SKOR1: variants seen among roughly 807,000 people sequenced by gnomAD.
SKOR1 encodes SKI family transcriptional corepressor 1, also known as LBX1 corepressor 1.
In SKOR1, 38 loss-of-function variants were observed where a neutral mutation model predicts 72.4. The ratio of observed to expected loss-of-function variants is 0.52; its 90% CI spans 0.40 to 0.69. The LOEUF is 0.69. SKOR1 is among the 30% of genes least tolerant of loss of function. The pLI is 0.00. For synonymous variants in SKOR1, 642 were observed against 599.4 expected (o/e 1.07, Z -1.04); for missense variants, 1,320 against 1,343.2 (o/e 0.98, Z 0.27).
At position 67,832,466 on chromosome 15, in the gene SKOR1, A is replaced by G. The variant is rs1033217207; in HGVS notation, c.2662+118A>G. The G allele has an allele frequency of 7.2e-5, 97 of 1,354,782 alleles. 1 individual carries two copies. The East Asian group carries it at 2.2e-3, about 31-fold the overall frequency. The allele number at this position is 1,354,782 out of a possible 1,614,324, so 83.9% of individuals were successfully genotyped here. A position where few individuals can be genotyped will look rare whatever the true frequency, so the allele number is the denominator to read the frequency against. On this transcript the variant is annotated intron_variant, in intron 6 of 8. Coordinates refer to ENST00000380035, the MANE Select transcript of SKOR1 (RefSeq NM_001365915.1). This position sits in a 1 kb window ranked among gnomAD's most constrained non-coding sequence, Gnocchi z 4.5. ...GGTACTAGGTGCCCTGCAGGAGACA[A>G]GAAACTGTCCTTTTCCAGGGCTGCA...
In SKOR1 at chr15:67,833,838, G is replaced by T; in HGVS notation, c.*2G>T. ...TTCAAGCCACCGCTGTTGCCCTAGG[G>T]CCGGCCTGGCCGCACCCCTGCGCCC... On this transcript the variant is annotated 3_prime_UTR_variant, in exon 9 of 9. Coordinates refer to ENST00000380035, the MANE Select transcript of SKOR1 (RefSeq NM_001365915.1). The surrounding 1 kb of genome is among the most constrained non-coding windows in gnomAD (Gnocchi z 6.0). The T allele has an allele frequency of 1.9e-6, 3 of 1,607,958 alleles. No individual in the cohort carries two copies. The highest frequency in any genetic ancestry group is 2.5e-6 in the Non-Finnish European group (3 of 1,179,852).
rs200956599 is a variant in SKOR1 at position 67,828,016 on chromosome 15, C to T, written c.2188C>T (p.Arg730Trp). 7.8e-3 allele frequency: 11,993 copies of T among 1,539,600 alleles called. 66 individuals are homozygous for T. The highest frequency in any genetic ancestry group is 9.1e-3 in the Non-Finnish European group (10,412 of 1,144,746). ...CCGCCTCGGGCCACCCCCAGCTGGC[C>T]GGCCCGCATTTGGGGACTTGGCAGC... ...RRRLGPPPAGRPAFGDLAAED... is the reference protein window; with the variant it reads ...RRRLGPPPAGWPAFGDLAAED... Residue 730 changes from arginine (R) to tryptophan (W), a missense_variant, in exon 2 of 9, where the codon CGG (arginine) becomes TGG (tryptophan). Transcript: ENST00000380035.
Position 67,833,977 on chromosome 15 carries a change from C to A in SKOR1, c.*141C>A. The A allele has an allele frequency of 1.1e-6, 1 of 947,274 alleles. No homozygotes were observed. Among genetic ancestry groups the A allele is most frequent in the East Asian group, 2.6e-5 (1 of 38,140 alleles). 58.7% of individuals were successfully genotyped at this position (947,274 alleles called of 1,614,324 possible). A position where few individuals can be genotyped will look rare whatever the true frequency, so the allele number is the denominator to read the frequency against. On this transcript the variant is annotated 3_prime_UTR_variant, in exon 9 of 9. Coordinates refer to ENST00000380035, the MANE Select transcript of SKOR1 (RefSeq NM_001365915.1). This position sits in a 1 kb window ranked among gnomAD's most constrained non-coding sequence, Gnocchi z 6.0. ...GCCGCCCGTCCGCCCGCCTTCCTCC[C>A]GGGCTCCCCGGCCTTGCCCGCCCCC...
Position 67,826,166 on chromosome 15 carries a change from A to C in SKOR1, c.338A>C (p.Tyr113Ser). 6.2e-7 allele frequency: 1 copy of C among 1,613,290 alleles called. No individual in the cohort carries two copies. The highest frequency in any genetic ancestry group is 8.5e-7 in the Non-Finnish European group (1 of 1,179,656). The change falls in exon 2 of 9, where the codon TAT becomes TCT. Residue 113 changes from tyrosine (Y) to serine (S), a missense_variant. Transcript: ENST00000380035. ...ISNTLLKNYSYNEIHNRRVAL... is the reference protein window; with the variant it reads ...ISNTLLKNYSSNEIHNRRVAL... ...AACACCCTCCTCAAGAACTACAGCT[A>C]TAATGAGATCCACAACCGCCGCGTG...
Position 67,827,170 on chromosome 15 carries a change from C to G in SKOR1, c.1342C>G (p.Pro448Ala), listed in dbSNP as rs1264860357. The G allele has an allele frequency of 7.4e-7, 1 of 1,355,660 alleles. No homozygotes were observed. Among genetic ancestry groups the G allele is most frequent in the African/African-American group, 1.5e-5 (1 of 65,628 alleles). The allele number at this position is 1,355,660 out of a possible 1,614,324, so 84.0% of individuals were successfully genotyped here. ...GGGCCCGGGAGCCAGCCACTTGCCC[C>G]CGGGGGCAGGGGCGGGCCCGGGCGG... ...AGGPGASHLP[P>A]GAGAGPGGGA... Residue 448 changes from proline to alanine, a missense_variant, in exon 2 of 9, where the codon CCG (proline) becomes GCG (alanine). Pro to Ala is a conservative substitution (Grantham distance 27). Transcript: ENST00000380035.
Position 67,834,247 on chromosome 15 carries a change from C to G in SKOR1, c.*411C>G. On this transcript the variant is annotated 3_prime_UTR_variant, in exon 9 of 9. Coordinates refer to ENST00000380035, the MANE Select transcript of SKOR1 (RefSeq NM_001365915.1). This position sits in a 1 kb window ranked among gnomAD's most constrained non-coding sequence, Gnocchi z 5.8. ...CCCCGTCCCGTCCACTTCTGAAACTCCTGTTCCTAATGACAAAGTGGCTAT... is the reference window on the plus strand; with the variant it reads ...CCCCGTCCCGTCCACTTCTGAAACTGCTGTTCCTAATGACAAAGTGGCTAT... 1 of 280,088 alleles carries G rather than the reference C, an allele frequency of 3.6e-6. No individual in the cohort carries two copies. Among genetic ancestry groups the G allele is most frequent in the South Asian group, 4.3e-5 (1 of 23,242 alleles). The allele number at this position is 280,088 out of a possible 1,614,324, so 17.4% of individuals were successfully genotyped here.
chr15:67,834,029 G>T lies in SKOR1; in HGVS notation c.*193G>T. 1 of 642,644 alleles carries T rather than the reference G, an allele frequency of 1.6e-6. No homozygotes were observed. The highest frequency in any genetic ancestry group is 1.8e-5 in the South Asian group (1 of 56,978). The allele number at this position is 642,644 out of a possible 1,614,324, so 39.8% of individuals were successfully genotyped here. ...CCCGGGCGTCCCTGTCCAGGGCCCC[G>T]GCTTGGTTTCCAAGTGTAAATACCG... On this transcript the variant is annotated 3_prime_UTR_variant, in exon 9 of 9. Coordinates refer to ENST00000380035, the MANE Select transcript of SKOR1 (RefSeq NM_001365915.1). This position sits in a 1 kb window ranked among gnomAD's most constrained non-coding sequence, Gnocchi z 5.8.
At chr15:67,828,804 T>C (rs1300417205) in intron 2 of SKOR1, among the ~76,000 whole-genome samples, 4 of 152,028 alleles carry the variant, frequency 2.6e-5, no homozygotes, top group African/African-American at 9.7e-5. Context: ...TGCGCATACC[T>C]GTACATTCGG....
Position 67,827,037 on chromosome 15 carries a change from C to A in SKOR1, c.1209C>A (p.Phe403Leu). 1 of 1,574,166 alleles carries A rather than the reference C, an allele frequency of 6.4e-7. No individual in the cohort carries two copies. Among genetic ancestry groups the A allele is most frequent in the Non-Finnish European group, 8.6e-7 (1 of 1,167,678 alleles). Residue 403 changes from phenylalanine (F) to leucine (L), a missense_variant, in exon 2 of 9, where the codon TTC (phenylalanine) becomes TTA (leucine). This residue lies in a region of SKOR1 where 1,099 missense variants were observed against 1,025.5 expected (regional missense o/e 1.07). Coordinates refer to ENST00000380035, the MANE Select transcript of SKOR1 (RefSeq NM_001365915.1). ...FPHPYGFPTA[F>L]GLCPKKDDPV... The stretch of plus-strand genomic sequence containing the variant: ...ATCCTTACGGCTTCCCTACGGCCTT[C>A]GGCCTATGCCCCAAAAAGGACGACC...
intron 3 of SKOR1, 42 bp from the exon 4 acceptor site, chr15:67,830,149 G>T (rs1458173890): frequency 5.6e-6 from 9 of 1,603,526 alleles, no homozygotes; most frequent in Non-Finnish European, 7.7e-6. Flanking sequence ...TCCGGGTCAC[G>T]GTTTCTTTGC....
At position 67,827,807 on chromosome 15, in the gene SKOR1, A is replaced by T. The variant is rs1242758869; in HGVS notation, c.1979A>T (p.Glu660Val). The change falls in exon 2 of 9, where the codon GAG (glutamate) becomes GTG (valine). Residue 660 changes from glutamate to valine, a missense_variant. Glu to Val is a moderately radical substitution (Grantham distance 121). This residue lies in a region of SKOR1 where 1,099 missense variants were observed against 1,025.5 expected (regional missense o/e 1.07). Coordinates refer to ENST00000380035, the MANE Select transcript of SKOR1 (RefSeq NM_001365915.1). ...GACGTGGACACCGCGGACGAGCCCG[A>T]GGTGGACGTGGAATCCAACCGCTTC... ...SPDVDTADEP[E>V]VDVESNRFPD... 3 of 1,580,638 alleles carry T rather than the reference A, an allele frequency of 1.9e-6. No individual in the cohort carries two copies. The highest frequency in any genetic ancestry group is 2.6e-6 in the Non-Finnish European group (3 of 1,163,602).
intron 3 of SKOR1, among the ~76,000 whole-genome samples, 166 bp from the exon 4 acceptor site, chr15:67,830,025 G>A (rs947923400): frequency 3.9e-5 from 6 of 152,322 alleles, no homozygotes; most frequent in South Asian, 4.1e-4. Context: ...GGGGTGGGGG[G>A]TGCCCGGCCC....
chr15:67,827,943 G>A lies in SKOR1; in HGVS notation c.2115G>A (p.Ala705=). ...CCCCTTCCGCCACCTCCTCTGGCGC[G>A]GACGGTCCCGCAAACTCTCCCGACG... is the stretch of plus-strand genomic sequence containing the variant. ...TGPPSATSSG[A]DGPANSPDGG... Residue 705 remains alanine, a synonymous_variant, in exon 2 of 9, where the codon GCG becomes GCA. Transcript: ENST00000380035. 2 of 1,573,506 alleles carry A rather than the reference G, an allele frequency of 1.3e-6. No individual in the cohort carries two copies. The highest frequency in any genetic ancestry group is 2.3e-5 in the East Asian group (1 of 43,322).
chr15:67,828,152 C>A lies in SKOR1; in HGVS notation c.2316+8C>A, dbSNP rs2090980358. ...GGCCCCGCGCCGGCCAAGGTGAGCC[C>A]CGCGCCCGCCCCGCCAGTGGCGCCT... On this transcript the variant is annotated splice_region_variant and intron_variant, in intron 2 of 8. Transcript: ENST00000380035. 2 of 1,429,710 alleles carry A rather than the reference C, an allele frequency of 1.4e-6. No individual in the cohort carries two copies. Among genetic ancestry groups the A allele is most frequent in the South Asian group, 1.5e-5 (1 of 67,746 alleles). The allele number at this position is 1,429,710 out of a possible 1,614,324, so 88.6% of individuals were successfully genotyped here.
chr15:67,832,855 C>T lies in SKOR1; in HGVS notation c.2737+174C>T. Reference sequence around the variant, plus strand: ...GCCTCAGAATGGCAAGCGAGCCCAGCAAACGGCTTGCAGGCATCATTACAT... The same window carrying T: ...GCCTCAGAATGGCAAGCGAGCCCAGTAAACGGCTTGCAGGCATCATTACAT... On this transcript the variant is annotated intron_variant, in intron 7 of 8. Coordinates refer to ENST00000380035, the MANE Select transcript of SKOR1 (RefSeq NM_001365915.1). This position sits in a 1 kb window ranked among gnomAD's most constrained non-coding sequence, Gnocchi z 4.5. 1 of 623,854 alleles carries T rather than the reference C, an allele frequency of 1.6e-6. No individual in the cohort carries two copies. The highest frequency in any genetic ancestry group is 2.7e-5 in the East Asian group (1 of 36,402). 38.6% of individuals were successfully genotyped at this position (623,854 alleles called of 1,614,324 possible).
chr15:67,830,051 G>C lies in SKOR1; in HGVS notation c.2408-140G>C, dbSNP rs546773029. The C allele has an allele frequency of 2.0e-4, 165 of 813,052 alleles. 1 individual carries two copies. The highest frequency in any genetic ancestry group is 7.0e-4 in the Middle Eastern group (2 of 2,850). 50.4% of individuals were successfully genotyped at this position (813,052 alleles called of 1,614,324 possible). ...TGCCCGGCCCAAAGCCTCAGGGCGC[G>C]CTCCTGGGCGCACAGCCGGGAACCA... On this transcript the variant is annotated intron_variant, in intron 3 of 8. Coordinates refer to ENST00000380035, the MANE Select transcript of SKOR1 (RefSeq NM_001365915.1).
chr15:67,826,766 G>T lies in SKOR1; in HGVS notation c.938G>T (p.Gly313Val). ...GGGGGGGPGCGAEMAPGPPPH... is the reference protein window; with the variant it reads ...GGGGGGGPGCVAEMAPGPPPH... Reference sequence around the variant, plus strand: ...GGTGGCGGCGGTGGCCCAGGGTGCGGTGCAGAGATGGCCCCAGGCCCGCCG... The same window carrying T: ...GGTGGCGGCGGTGGCCCAGGGTGCGTTGCAGAGATGGCCCCAGGCCCGCCG... Residue 313 changes from glycine to valine, a missense_variant, in exon 2 of 9, where the codon GGT becomes GTT. This residue lies in a region of SKOR1 where 1,099 missense variants were observed against 1,025.5 expected (regional missense o/e 1.07). Coordinates refer to ENST00000380035, the MANE Select transcript of SKOR1 (RefSeq NM_001365915.1). 1 of 1,534,730 alleles carries T rather than the reference G, an allele frequency of 6.5e-7. No homozygotes were observed.
In SKOR1 at chr15:67,832,932, A is replaced by G. The variant is rs2091019836; in HGVS notation, c.2737+251A>G. The G allele has an allele frequency of 1.7e-6, 1 of 598,458 alleles. No homozygotes were observed. Among genetic ancestry groups the G allele is most frequent in the Admixed American group, 3.0e-5 (1 of 33,778 alleles). The allele number at this position is 598,458 out of a possible 1,614,324, so 37.1% of individuals were successfully genotyped here. ...AATTTCCATGGTTTCTAAATTAAAAATCGAGGCGTAAAATTACCTGGGAAG... is the reference window on the plus strand; with the variant it reads ...AATTTCCATGGTTTCTAAATTAAAAGTCGAGGCGTAAAATTACCTGGGAAG... On this transcript the variant is annotated intron_variant, in intron 7 of 8. Coordinates refer to ENST00000380035, the MANE Select transcript of SKOR1 (RefSeq NM_001365915.1). The surrounding 1 kb of genome is among the most constrained non-coding windows in gnomAD (Gnocchi z 4.5).
Position 67,833,171 on chromosome 15 carries a change from G to A in SKOR1, c.2738-21G>A. ...GAGGGTGGTCTGCGTTTCCTCACTG[G>A]CCCCTCCCCTTGTCTTCCAGATACC... On this transcript the variant is annotated intron_variant, in intron 7 of 8. Transcript: ENST00000380035. The surrounding 1 kb of genome is among the most constrained non-coding windows in gnomAD (Gnocchi z 6.0). 6.2e-7 allele frequency: 1 copy of A among 1,613,872 alleles called. No individual in the cohort carries two copies.
Sources: allele counts gnomAD v4.1 joint callset (sites outside exome capture counted in the v4.1 genomes callset), GRCh38; gene constraint gnomAD v4.1.1; regional missense constraint gnomAD v4.1.1; non-coding constraint Gnocchi (gnomAD v3.1); transcripts MANE v1.5; gene names NCBI Gene and HGNC (gene_info 2026-07-23, HGNC 2026-07-21).